The following MAP7 variants were observed in gnomAD, a reference collection of about 807,000 sequenced individuals.
MAP7 encodes microtubule associated protein 7.
MAP7 carries 52 observed loss-of-function variants against 94.8 expected under a neutral mutation model. That is an observed-to-expected ratio of 0.55 (90% CI 0.44 to 0.69). The LOEUF is 0.69. Among genes scored for constraint, MAP7 ranks in the 30% least tolerant of loss-of-function variants. The probability of loss-of-function intolerance (pLI) is 0.00; values close to 1 mark genes in which losing one functional copy is unlikely to be tolerated. For synonymous variants in MAP7, 350 were observed against 357.0 expected (o/e 0.98, Z 0.22); for missense variants, 940 against 964.6 (o/e 0.97, Z 0.34).
intron 1 of MAP7, among the ~76,000 whole-genome samples, chr6:136,505,277 G>GTGTGTATATA (rs1465266004): frequency 4.6e-4 from 25 of 53,826 alleles, no homozygotes; most frequent in African/African-American, 1.9e-3. Context: ...GTGTGTGTGT[G>GTGTGTATATA]TATATATATA....
chr6:136,515,343 G>A (rs891223019), intron 1 of MAP7, among the ~76,000 whole-genome samples: 8 of 152,148 alleles, frequency 5.3e-5, no homozygotes, highest in Admixed American at 3.3e-4. Context: ...AGGCTGTTTC[G>A]CTTTCTTATC....
At chr6:136,464,994 G>T (rs576005621) in intron 1 of MAP7, among the ~76,000 whole-genome samples, 1 of 152,318 alleles carries the variant, frequency 6.6e-6, no homozygotes. Flanking sequence ...GTACCATGCT[G>T]TTCATTATTC....
In MAP7 at chr6:136,377,754, C is replaced by A; in HGVS notation, c.751+1G>T. 6.2e-7 allele frequency: 1 copy of A among 1,613,108 alleles called. No individual in the cohort carries two copies. On this transcript the variant is annotated splice_donor_variant, in intron 7 of 17. Coordinates refer to ENST00000354570, the MANE Select transcript of MAP7 (RefSeq NM_003980.6). LOFTEE classifies it high-confidence loss of function. Reference sequence around the variant, plus strand: ...GGAAAGTTCCACCTGGACAGTTTTACCTGCTTCTCCAGACAAGGCAGCTGT... The same window carrying A: ...GGAAAGTTCCACCTGGACAGTTTTAACTGCTTCTCCAGACAAGGCAGCTGT...
chr6:136,396,587 T>G (rs565039516), intron 3 of MAP7, among the ~76,000 whole-genome samples: 8 of 152,198 alleles, frequency 5.3e-5, no homozygotes, highest in Non-Finnish European at 1.2e-4. Flanking sequence ...TCTTTTTGTG[T>G]GTGCTCTCCA....
At chr6:136,416,719 T>G (rs1265569175) in intron 2 of MAP7, among the ~76,000 whole-genome samples, 1 of 151,578 alleles carries the variant, frequency 6.6e-6, no homozygotes, top group Non-Finnish European at 1.5e-5. Context: ...GGCAGGAGAA[T>G]CGCTTGAACC....
chr6:136,545,018 A>G (rs1829617155), intron 1 of MAP7, among the ~76,000 whole-genome samples: 1 of 152,214 alleles, frequency 6.6e-6, no homozygotes. Flanking sequence ...GAAAAGTCTC[A>G]TATGTCACCT....
chr6:136,400,072 A>G (rs1783622707), intron 3 of MAP7, among the ~76,000 whole-genome samples: 1 of 152,004 alleles, frequency 6.6e-6, no homozygotes, highest in Non-Finnish European at 1.5e-5. Flanking sequence ...CTACCTCTAC[A>G]CCACCAGCCC....
At chr6:136,524,883 T>C (rs1827400419) in intron 1 of MAP7, among the ~76,000 whole-genome samples, 1 of 152,190 alleles carries the variant, frequency 6.6e-6, no homozygotes, top group South Asian at 2.1e-4. Flanking sequence ...ACAGAATAAT[T>C]TAAGAGCAAG....
At chr6:136,446,296 A>C (rs1799327735) in intron 1 of MAP7, among the ~76,000 whole-genome samples, 1 of 151,952 alleles carries the variant, frequency 6.6e-6, no homozygotes, top group South Asian at 2.1e-4. Flanking sequence ...GATCATCATC[A>C]GAGGTGGATA....
intron 1 of MAP7, among the ~76,000 whole-genome samples, chr6:136,436,924 G>A (rs1796524125): frequency 6.6e-6 from 1 of 152,198 alleles, no homozygotes; most frequent in Admixed American, 6.5e-5. Flanking sequence ...CTGCAGAATG[G>A]TCAAATTAAT....
At chr6:136,349,132 C>CA (rs1429367143) in intron 16 of MAP7, among the ~76,000 whole-genome samples, 1 of 152,134 alleles carries the variant, frequency 6.6e-6, no homozygotes, top group Non-Finnish European at 1.5e-5. Context: ...TGTTCCAAAG[C>CA]AAGTTTCCTA....
At chr6:136,500,133 T>C (rs375806566) in intron 1 of MAP7, among the ~76,000 whole-genome samples, 1 of 152,246 alleles carries the variant, frequency 6.6e-6, no homozygotes, top group Non-Finnish European at 1.5e-5. Flanking sequence ...AATTTAGTCA[T>C]ATATAAAGGA....
chr6:136,505,288 T>C (rs1821149016), intron 1 of MAP7, among the ~76,000 whole-genome samples: 2 of 124,904 alleles, frequency 1.6e-5, no homozygotes, highest in Admixed American at 8.6e-5. Flanking sequence ...TATATATATA[T>C]ATATATATAT....
chr6:136,532,782 A>G (rs890216048), intron 1 of MAP7, among the ~76,000 whole-genome samples: 1 of 152,208 alleles, frequency 6.6e-6, no homozygotes, highest in African/African-American at 2.4e-5. Context: ...CTGTGCACAT[A>G]CTTACTCGCA....
chr6:136,534,695 A>G (rs1291905566), intron 1 of MAP7, among the ~76,000 whole-genome samples: 3 of 152,220 alleles, frequency 2.0e-5, no homozygotes, highest in Admixed American at 2.0e-4. Flanking sequence ...AGTTGGGGTC[A>G]GGATATCTTA....
chr6:136,387,361 T>C (rs1582755046), intron 5 of MAP7, among the ~76,000 whole-genome samples: 1 of 152,194 alleles, frequency 6.6e-6, no homozygotes. Flanking sequence ...AAAACATAAA[T>C]AGAAAACCAA....
At position 136,439,201 on chromosome 6, in the gene MAP7, C is replaced by T. The variant is rs369862748; in HGVS notation, c.68-17402G>A. Among the ~76,000 whole-genome samples, 23 of 152,190 alleles carry T rather than the reference C, an allele frequency of 1.5e-4. No individual in the cohort carries two copies. The South Asian group carries it at 4.4e-3, about 29-fold the overall frequency. On this transcript the variant is annotated intron_variant, in intron 1 of 17. Coordinates refer to ENST00000354570, the MANE Select transcript of MAP7 (RefSeq NM_003980.6). ...AATGTGATAGTGCTAAGAGGTGGGG[C>T]CTTCAGGTGATTAAGTCATGAGGCT...
intron 1 of MAP7, among the ~76,000 whole-genome samples, chr6:136,469,153 T>C (rs1488627083): frequency 2.0e-5 from 3 of 152,208 alleles, no homozygotes; most frequent in Admixed American, 2.0e-4. Context: ...ATGTATCATC[T>C]TAAACTGTAC....
Position 136,550,294 on chromosome 6 carries a change from G to T in MAP7, c.67+48C>A. On this transcript the variant is annotated intron_variant, in intron 1 of 17. Coordinates refer to ENST00000354570, the MANE Select transcript of MAP7 (RefSeq NM_003980.6). The surrounding 1 kb of genome is among the most constrained non-coding windows in gnomAD (Gnocchi z 5.1). ...CGGTGCCAGCCCGCCGGCCCCGCTCGCCGTCCCCTGCCCGACGGGACCCCC... is the reference window on the plus strand; with the variant it reads ...CGGTGCCAGCCCGCCGGCCCCGCTCTCCGTCCCCTGCCCGACGGGACCCCC... 7.0e-7 allele frequency: 1 copy of T among 1,419,506 alleles called. No individual in the cohort carries two copies. The highest frequency in any genetic ancestry group is 9.3e-7 in the Non-Finnish European group (1 of 1,081,080). The allele number at this position is 1,419,506 out of a possible 1,614,324, so 87.9% of individuals were successfully genotyped here.
Sources: gnomAD v4.1 joint callset for allele counts (sites outside exome capture counted in the v4.1 genomes callset) on GRCh38, gnomAD v4.1.1 for gene constraint, Gnocchi (gnomAD v3.1) non-coding constraint, MANE v1.5 for transcripts, NCBI Gene and HGNC (gene_info 2026-07-23, HGNC 2026-07-21) for gene names.